The following ARHGEF6 variants were observed in gnomAD, a reference collection of about 807,000 sequenced individuals.
ARHGEF6 encodes the protein Rac/Cdc42 guanine nucleotide exchange factor 6.
In ARHGEF6, 9 loss-of-function variants were observed where a neutral mutation model predicts 70.3. The observed-to-expected ratio is 0.13, with a 90% CI of 0.08 to 0.22. ARHGEF6 has a LOEUF of 0.22. Among genes scored for constraint, ARHGEF6 ranks in the 10% least tolerant of loss-of-function variants. The probability of loss-of-function intolerance (pLI) is 1.00; values close to 1 mark genes in which losing one functional copy is unlikely to be tolerated. For missense variants in ARHGEF6, 470 were observed against 563.0 expected, an observed-to-expected ratio of 0.83 and a Z score of 1.67; for synonymous variants, 201 against 207.8, an observed-to-expected ratio of 0.97 and a Z score of 0.28.
chrX:136,741,449 T>C (rs1467167425), intron 5 of ARHGEF6, among the ~76,000 whole-genome samples: 1 of 111,549 alleles, frequency 9.0e-6, no homozygotes, highest in Non-Finnish European at 1.9e-5. Context: ...ATACAATCAG[T>C]AAGGCTTCCA....
intron 2 of ARHGEF6, among the ~76,000 whole-genome samples, chrX:136,776,399 C>A (rs1324445158): frequency 1.8e-5 from 2 of 111,629 alleles, no homozygotes; most frequent in African/African-American, 3.3e-5. Flanking sequence ...TACTTACAGC[C>A]AACTGGTCTT....
At chrX:136,715,850 C>G (rs1249373469) in intron 6 of ARHGEF6, among the ~76,000 whole-genome samples, 1 of 112,471 alleles carries the variant, frequency 8.9e-6, no homozygotes, top group African/African-American at 3.2e-5. Context: ...CCAGAGCACT[C>G]TATTCTTCTT....
intron 10 of ARHGEF6, among the ~76,000 whole-genome samples, chrX:136,690,091 C>T (rs776104104): frequency 8.9e-5 from 10 of 111,878 alleles, no homozygotes; most frequent in Admixed American, 9.5e-5. Flanking sequence ...TGTATCCATC[C>T]ATTAGTCTTT....
intron 9 of ARHGEF6, among the ~76,000 whole-genome samples, chrX:136,706,563 A>G (rs1331903211): frequency 8.9e-6 from 1 of 112,011 alleles, no homozygotes; most frequent in Non-Finnish European, 1.9e-5. Context: ...TGTTAATGTT[A>G]TCTCACAGAA....
At chrX:136,711,974 T>C (rs1271730841) in intron 7 of ARHGEF6, among the ~76,000 whole-genome samples, 1 of 112,876 alleles carries the variant, frequency 8.9e-6, no homozygotes, top group Non-Finnish European at 1.9e-5. Context: ...GCCAGGAGAA[T>C]AAACAAGTGG....
intron 1 of ARHGEF6, 65 bp downstream of exon 1, chrX:136,780,653 A>T: frequency 9.6e-7 from 1 of 1,036,454 alleles, no homozygotes; most frequent in East Asian, 3.0e-5. Context: ...GAAAAATCTC[A>T]AGAGTTACAT....
chrX:136,675,405 G>A (rs2076270793), intron 18 of ARHGEF6, among the ~76,000 whole-genome samples: 2 of 110,817 alleles, frequency 1.8e-5, no homozygotes, highest in Non-Finnish European at 3.8e-5. Context: ...ACAGCACTGA[G>A]CTTGTTGCTA....
At chrX:136,756,668 C>A (rs778318723) in intron 2 of ARHGEF6, among the ~76,000 whole-genome samples, 2 of 111,950 alleles carry the variant, frequency 1.8e-5, no homozygotes, top group Admixed American at 9.4e-5. Context: ...CCTCCTAACA[C>A]CTGCTAAACT....
At chrX:136,679,049 A>G (rs764658451) in intron 16 of ARHGEF6, among the ~76,000 whole-genome samples, 2 of 112,233 alleles carry the variant, frequency 1.8e-5, no homozygotes, top group Non-Finnish European at 3.8e-5. Context: ...CACTGCTTTC[A>G]TCAAATTCTT....
At chrX:136,699,512 A>C (rs916872652) in intron 9 of ARHGEF6, among the ~76,000 whole-genome samples, 4 of 112,079 alleles carry the variant, frequency 3.6e-5, no homozygotes, top group Non-Finnish European at 7.5e-5. Context: ...TAATTAAAAA[A>C]ATACTGAACA....
At chrX:136,745,961 G>A (rs1267244683) in intron 3 of ARHGEF6, among the ~76,000 whole-genome samples, 1 of 112,087 alleles carries the variant, frequency 8.9e-6, no homozygotes, top group Non-Finnish European at 1.9e-5. Flanking sequence ...GGCCAGAGCT[G>A]AGCTGGATGT....
In ARHGEF6 at chrX:136,681,951, T is replaced by C. The variant is rs2076337030; in HGVS notation, c.1497A>G (p.Ala499=). The change falls in exon 14 of 22, where the codon GCA becomes GCG. Residue 499 remains alanine (A), a synonymous_variant. Coordinates refer to ENST00000250617, the MANE Select transcript of ARHGEF6 (RefSeq NM_004840.3). ...CATCTAATCTAGTCACCACCGTTCC[T>C]GCTATTGGTATTTTTCCCTATTAGA... ...GFIYQGKIPI[A]GTVVTRLDEI... 2 of 1,202,991 alleles carry C rather than the reference T, an allele frequency of 1.7e-6. No homozygotes were observed. Among genetic ancestry groups the C allele is most frequent in the African/African-American group, 1.7e-5 (1 of 57,151 alleles).
intron 16 of ARHGEF6, 22 bp downstream of exon 16, chrX:136,679,511 TTA>T: frequency 1.7e-6 from 2 of 1,209,064 alleles, no homozygotes; most frequent in Non-Finnish European, 2.2e-6. Context: ...CAGAAGCATT[TTA>T]TACCATAGGT....
intron 2 of ARHGEF6, among the ~76,000 whole-genome samples, chrX:136,771,022 C>G (rs1009310263): frequency 1.8e-5 from 2 of 112,171 alleles, no homozygotes; most frequent in African/African-American, 6.5e-5. Flanking sequence ...TTTCTATACA[C>G]TTGCAGTGAA....
At chrX:136,758,133 C>G (rs1160111562) in intron 2 of ARHGEF6, among the ~76,000 whole-genome samples, 2 of 87,654 alleles carry the variant, frequency 2.3e-5, no homozygotes, top group Non-Finnish European at 4.2e-5. Flanking sequence ...TCACTACAAG[C>G]TCCGCCTCCT....
chrX:136,736,376 T>C (rs145057078), intron 5 of ARHGEF6, among the ~76,000 whole-genome samples: 321 of 111,900 alleles, frequency 2.9e-3, no homozygotes, highest in African/African-American at 0.01. Flanking sequence ...ATGTAACTTA[T>C]ATAATGACTA....
intron 1 of ARHGEF6, among the ~76,000 whole-genome samples, chrX:136,779,809 T>A (rs1411052045): frequency 8.9e-6 from 1 of 111,748 alleles, no homozygotes; most frequent in Non-Finnish European, 1.9e-5. Context: ...AGTTCTTGCT[T>A]TCAAGAAAGG....
chrX:136,686,711 T>TATATATATATACACATATATATATAC (rs1569394211), intron 11 of ARHGEF6, among the ~76,000 whole-genome samples: 11 of 9,565 alleles, frequency 1.2e-3, no homozygotes, highest in African/African-American at 2.8e-3. Flanking sequence ...TATATATACA[T>TATATATATATACACATATATATATAC]ATATATATAT....
intron 5 of ARHGEF6, among the ~76,000 whole-genome samples, chrX:136,739,532 C>T (rs1337076816): frequency 1.8e-5 from 2 of 112,522 alleles, no homozygotes; most frequent in East Asian, 2.8e-4. Context: ...ATAAACAAAA[C>T]GAATGAAGTC....
Sources: gnomAD v4.1 joint callset for allele counts (sites outside exome capture counted in the v4.1 genomes callset) on GRCh38, gnomAD v4.1.1 for gene constraint, MANE v1.5 for transcripts, NCBI Gene and HGNC (gene_info 2026-07-23, HGNC 2026-07-21) for gene names.